Variants in XPNPEP3 observed in about 807,000 individuals in gnomAD.
The protein encoded by XPNPEP3 is xaa-Pro aminopeptidase 3.
A neutral mutation model predicts 60.0 loss-of-function variants in XPNPEP3; 41 were observed. That is an observed-to-expected ratio of 0.68 (90% CI 0.53 to 0.89). The LOEUF (loss-of-function observed/expected upper bound fraction) is 0.89, where lower values mean the gene tolerates loss of function less well. Ranked by LOEUF, XPNPEP3 falls within the 40% of genes least tolerant of loss-of-function variation. The probability of loss-of-function intolerance (pLI) is 0.00; values close to 1 mark genes in which losing one functional copy is unlikely to be tolerated. For missense variants in XPNPEP3, 598 were observed against 638.9 expected, an observed-to-expected ratio of 0.94 and a Z score of 0.69; for synonymous variants, 212 against 223.2, an observed-to-expected ratio of 0.95 and a Z score of 0.45.
intron 1 of XPNPEP3, chr22:40,860,463 C>A (rs1601484316): frequency 7.6e-6 from 3 of 392,478 alleles, no homozygotes; most frequent in Non-Finnish European, 1.3e-5. Context: ...TGCTGTTCCT[C>A]CATTGGAAAA....
chr22:40,892,088 A>G (rs775826165), intron 4 of XPNPEP3, among the ~76,000 whole-genome samples: 43 of 152,204 alleles, frequency 2.8e-4, no homozygotes, highest in Non-Finnish European at 5.3e-4. Flanking sequence ...CCATTTTGAT[A>G]GCACTGTCTA....
At chr22:40,860,827 T>A (rs1452834614) in intron 1 of XPNPEP3, 1 of 640,774 alleles carries the variant, frequency 1.6e-6, no homozygotes, top group African/African-American at 1.9e-5. Flanking sequence ...ATTTTTAAAT[T>A]TTTTGTAGAG....
rs1293946437 is a variant in XPNPEP3, at chr22:40,927,783, G to A, written c.*1348G>A. ...CCAGCTACTCAGGAGGCTGAGGCAG[G>A]AGAATGGCGTGAACCCAGAAGGCAG... On this transcript the variant is annotated 3_prime_UTR_variant, in exon 10 of 10. Coordinates refer to ENST00000357137, the MANE Select transcript of XPNPEP3 (RefSeq NM_022098.4). The A allele has an allele frequency of 1.3e-5, 2 of 149,190 alleles. No individual in the cohort carries two copies. Among genetic ancestry groups the A allele is most frequent in the African/African-American group, 2.5e-5 (1 of 40,508 alleles). The allele number at this position is 149,190 out of a possible 1,614,324, so 9.2% of individuals were successfully genotyped here. A position where few individuals can be genotyped will look rare whatever the true frequency, so the allele number is the denominator to read the frequency against.
intron 1 of XPNPEP3, among the ~76,000 whole-genome samples, chr22:40,863,273 A>G (rs1051504626): frequency 1.3e-5 from 2 of 152,218 alleles, no homozygotes; most frequent in Non-Finnish European, 2.9e-5. Flanking sequence ...CAAATTAGAA[A>G]CAGACCAAAG....
intron 1 of XPNPEP3, chr22:40,861,520 A>T (rs775646757): frequency 3.7e-6 from 6 of 1,613,944 alleles, no homozygotes; most frequent in Non-Finnish European, 5.1e-6. Flanking sequence ...GAACCCTGTG[A>T]TGTATATCCT....
chr22:40,907,748 AC>A, intron 5 of XPNPEP3, 99 bp downstream of exon 5: 1 of 1,142,286 alleles, frequency 8.8e-7, no homozygotes, highest in South Asian at 1.2e-5. Flanking sequence ...GATAGTGATG[AC>A]CAGCATGTCA....
At chr22:40,864,591 A>G (rs931972404) in intron 1 of XPNPEP3, among the ~76,000 whole-genome samples, 2 of 152,048 alleles carry the variant, frequency 1.3e-5, no homozygotes, top group Non-Finnish European at 2.9e-5. Context: ...GATTACAGGC[A>G]TGCACCACCA....
intron 4 of XPNPEP3, among the ~76,000 whole-genome samples, chr22:40,890,480 G>A (rs1003209130): frequency 3.9e-5 from 6 of 152,052 alleles, no homozygotes; most frequent in East Asian, 1.9e-4. Flanking sequence ...TTGAAGCTGC[G>A]ATGAGATGTG....
In XPNPEP3 at chr22:40,932,162, A is replaced by G. The variant is rs1836772526; in HGVS notation, c.*5727A>G. On this transcript the variant is annotated 3_prime_UTR_variant, in exon 10 of 10. Coordinates refer to ENST00000357137, the MANE Select transcript of XPNPEP3 (RefSeq NM_022098.4). ...GGAGTCCTTTGTAACAGTGTTTCCA[A>G]TAACTTCTGCCAATAAAACAGAATT... 6.6e-6 allele frequency: 1 copy of G among 152,176 alleles called. No individual in the cohort carries two copies. Among genetic ancestry groups the G allele is most frequent in the African/African-American group, 2.4e-5 (1 of 41,432 alleles). The allele number at this position is 152,176 out of a possible 1,614,324, so 9.4% of individuals were successfully genotyped here.
At chr22:40,895,299 C>T (rs1401140719) in intron 4 of XPNPEP3, among the ~76,000 whole-genome samples, 1 of 151,948 alleles carries the variant, frequency 6.6e-6, no homozygotes, top group African/African-American at 2.4e-5. Flanking sequence ...TATTGAAATG[C>T]ATTTCTTTTT....
At chr22:40,888,042 G>C (rs116482599) in intron 4 of XPNPEP3, among the ~76,000 whole-genome samples, 33 of 151,874 alleles carry the variant, frequency 2.2e-4, no homozygotes, top group Non-Finnish European at 4.3e-4. Flanking sequence ...ACTTTTTCCC[G>C]ACTTTCTCCA....
intron 4 of XPNPEP3, among the ~76,000 whole-genome samples, chr22:40,887,064 G>A (rs982807494): frequency 6.6e-6 from 1 of 151,954 alleles, no homozygotes; most frequent in Non-Finnish European, 1.5e-5. Flanking sequence ...TTTCTCCTTA[G>A]AACGACAGAA....
At chr22:40,889,300 C>T (rs1403893200) in intron 4 of XPNPEP3, among the ~76,000 whole-genome samples, 1 of 152,140 alleles carries the variant, frequency 6.6e-6, no homozygotes, top group Non-Finnish European at 1.5e-5. Flanking sequence ...ACTAAGATCA[C>T]AGGCATGAGC....
chr22:40,919,734 A>G (rs993529654), intron 7 of XPNPEP3, among the ~76,000 whole-genome samples: 4 of 152,344 alleles, frequency 2.6e-5, no homozygotes, highest in Non-Finnish European at 5.9e-5. Flanking sequence ...CATTCATAAC[A>G]GCATTTATTC....
At chr22:40,884,985 G>T (rs1302462437) in intron 3 of XPNPEP3, among the ~76,000 whole-genome samples, 8 of 150,906 alleles carry the variant, frequency 5.3e-5, no homozygotes, top group Non-Finnish European at 7.4e-5. Context: ...CCGAGATCGC[G>T]CCACTGCACT....
chr22:40,864,437 T>C (rs1227494586), intron 1 of XPNPEP3, among the ~76,000 whole-genome samples: 1 of 152,108 alleles, frequency 6.6e-6, no homozygotes, highest in Non-Finnish European at 1.5e-5. Context: ...TTATTTTCAT[T>C]ATTATTGTTA....
chr22:40,874,234 G>T (rs1823162936), intron 2 of XPNPEP3, among the ~76,000 whole-genome samples: 1 of 152,078 alleles, frequency 6.6e-6, no homozygotes, highest in African/African-American at 2.4e-5. Context: ...ACTCTAGCCT[G>T]GGTGACAGAG....
At chr22:40,861,022 C>T (rs374072874) in intron 1 of XPNPEP3, 23 of 1,523,320 alleles carry the variant, frequency 1.5e-5, no homozygotes, top group Non-Finnish European at 1.9e-5. Context: ...TTAACCAAAA[C>T]ACACACAATT....
chr22:40,910,968 A>G (rs965324645), intron 6 of XPNPEP3, among the ~76,000 whole-genome samples: 5 of 152,226 alleles, frequency 3.3e-5, no homozygotes, highest in African/African-American at 9.6e-5. Context: ...AGATCGCGCC[A>G]CTGTACTCCA....
Sources: gnomAD v4.1 joint callset for allele counts (sites outside exome capture counted in the v4.1 genomes callset) on GRCh38, gnomAD v4.1.1 for gene constraint, MANE v1.5 for transcripts, NCBI Gene and HGNC (gene_info 2026-07-23, HGNC 2026-07-21) for gene names.